The following MSRB3 variants were observed in gnomAD, a reference collection of about 807,000 sequenced individuals.
The protein encoded by MSRB3 is methionine sulfoxide reductase B3.
A neutral mutation model predicts 21.0 loss-of-function variants in MSRB3; 13 were observed. That is an observed-to-expected ratio of 0.62 (90% CI 0.40 to 0.98). The LOEUF (loss-of-function observed/expected upper bound fraction) is 0.98. Among genes scored for constraint, MSRB3 ranks in the 50% least tolerant of loss-of-function variants. The pLI, the probability that MSRB3 is intolerant of heterozygous loss-of-function variation, is 0.00. For synonymous variants in MSRB3, 87 were observed against 88.6 expected (o/e 0.98, Z 0.10); for missense variants, 199 against 230.3 (o/e 0.86, Z 0.88).
chr12:65,311,141 G>C (rs1873961206), intron 2 of MSRB3, among the ~76,000 whole-genome samples: 1 of 152,008 alleles, frequency 6.6e-6, no homozygotes, highest in Admixed American at 6.6e-5. Flanking sequence ...CTTTATGTTT[G>C]AGGAATAACC....
chr12:65,431,140 C>G (rs1029802334), intron 5 of MSRB3, among the ~76,000 whole-genome samples: 1 of 151,940 alleles, frequency 6.6e-6, no homozygotes. Flanking sequence ...TGGAATTTCA[C>G]GTCTTTGTAG....
intron 4 of MSRB3, among the ~76,000 whole-genome samples, chr12:65,351,509 T>G (rs1876990681): frequency 6.7e-6 from 1 of 149,438 alleles, no homozygotes. Flanking sequence ...CTTCAAAAAA[T>G]TAATGAATCC....
intron 5 of MSRB3, among the ~76,000 whole-genome samples, chr12:65,447,636 G>A (rs574603018): frequency 3.3e-5 from 5 of 152,202 alleles, no homozygotes; most frequent in Admixed American, 2.0e-4. Context: ...AATAACTGTC[G>A]GAATGGTAGG....
intron 4 of MSRB3, among the ~76,000 whole-genome samples, chr12:65,344,887 T>G (rs1876388965): frequency 6.6e-6 from 1 of 151,972 alleles, no homozygotes; most frequent in Non-Finnish European, 1.5e-5. Context: ...ATTCCAAGTC[T>G]CTCCTCAAAG....
intron 2 of MSRB3, among the ~76,000 whole-genome samples, chr12:65,311,525 T>C (rs1221747620): frequency 6.6e-6 from 1 of 152,096 alleles, no homozygotes; most frequent in African/African-American, 2.4e-5. Flanking sequence ...ACTTCAACAG[T>C]AATGAAACAG....
chr12:65,389,827 G>A (rs535731856), intron 5 of MSRB3, among the ~76,000 whole-genome samples: 16 of 152,186 alleles, frequency 1.1e-4, no homozygotes, highest in Non-Finnish European at 1.6e-4. Context: ...GCATGGCCCT[G>A]CTGGAGGAAA....
intron 5 of MSRB3, chr12:65,419,274 C>T: frequency 1.4e-6 from 1 of 738,984 alleles, no homozygotes; most frequent in South Asian, 1.4e-5. Context: ...AGATGTCTGC[C>T]ATGATCTTGG....
In MSRB3 at chr12:65,309,346, G is replaced by A. The variant is rs137984105; in HGVS notation, c.76+691G>A. Among the ~76,000 whole-genome samples the A allele has an allele frequency of 4.0e-3, 608 of 152,202 alleles. 8 individuals are homozygous for A. The highest frequency in any genetic ancestry group is 0.014 in the African/African-American group (579 of 41,514). On this transcript the variant is annotated intron_variant, in intron 2 of 6. Coordinates refer to ENST00000308259, the MANE Select transcript of MSRB3 (RefSeq NM_001031679.3). Reference sequence around the variant, plus strand: ...GGCTAAATATTTTACTTCTGTGAGCGTGATTATCAATATTATTTACATTTT... The same window carrying A: ...GGCTAAATATTTTACTTCTGTGAGCATGATTATCAATATTATTTACATTTT...
chr12:65,427,030 C>T (rs1881631420), intron 5 of MSRB3, among the ~76,000 whole-genome samples: 1 of 152,174 alleles, frequency 6.6e-6, no homozygotes, highest in Non-Finnish European at 1.5e-5. Flanking sequence ...AGGCAGTTTG[C>T]ATATCTCCAT....
chr12:65,459,206 C>CT (rs1883215221), intron 6 of MSRB3, among the ~76,000 whole-genome samples: 2 of 152,122 alleles, frequency 1.3e-5, no homozygotes, highest in Admixed American at 1.3e-4. Context: ...ATGGTATAGT[C>CT]CCTTAAGTTT....
intron 1 of MSRB3, among the ~76,000 whole-genome samples, chr12:65,301,276 A>G (rs189107908): frequency 2.2e-4 from 33 of 152,324 alleles, no homozygotes; most frequent in Non-Finnish European, 4.0e-4. Context: ...AAATAATAAC[A>G]TACTGTGCAA....
intron 1 of MSRB3, among the ~76,000 whole-genome samples, chr12:65,282,448 A>T (rs1315516495): frequency 1.3e-5 from 2 of 152,150 alleles, no homozygotes; most frequent in Non-Finnish European, 2.9e-5. Context: ...GATCAAACAA[A>T]CGCATCGAAC....
chr12:65,352,368 GC>G (rs1877070839), intron 4 of MSRB3, among the ~76,000 whole-genome samples: 2 of 150,108 alleles, frequency 1.3e-5, no homozygotes, highest in African/African-American at 5.0e-5. Flanking sequence ...TACTGAATGG[GC>G]AAAAACTGGA....
chr12:65,283,178 A>G (rs537410059), intron 1 of MSRB3, among the ~76,000 whole-genome samples: 1 of 152,136 alleles, frequency 6.6e-6, no homozygotes, highest in South Asian at 2.1e-4. Context: ...TTCTGTCTCT[A>G]CCTTTCCTTT....
Position 65,376,277 on chromosome 12 carries a change from G to A in MSRB3, c.292+7251G>A, listed in dbSNP as rs539685965. Among the ~76,000 whole-genome samples, 614 of 152,038 alleles carry A rather than the reference G, an allele frequency of 4.0e-3. 4 individuals are homozygous for A. The highest frequency in any genetic ancestry group is 0.014 in the African/African-American group (574 of 41,522). ...TGGGACTACAGGCGCCCACCACTGC[G>A]CCCGGCTAATTTTTTGTATTTTTAG... On this transcript the variant is annotated intron_variant, in intron 5 of 6. Transcript: ENST00000308259.
chr12:65,332,476 G>C (rs1428184041), intron 4 of MSRB3, among the ~76,000 whole-genome samples: 1 of 152,078 alleles, frequency 6.6e-6, no homozygotes, highest in Non-Finnish European at 1.5e-5. Flanking sequence ...AATCACACCG[G>C]GGCCTGTTGT....
At chr12:65,338,304 A>C (rs1416205997) in intron 4 of MSRB3, among the ~76,000 whole-genome samples, 1 of 152,234 alleles carries the variant, frequency 6.6e-6, no homozygotes, top group Non-Finnish European at 1.5e-5. Flanking sequence ...TGGTAGCACC[A>C]TTACACAGTA....
chr12:65,384,230 G>T (rs1177825467), intron 5 of MSRB3, among the ~76,000 whole-genome samples: 3 of 151,970 alleles, frequency 2.0e-5, no homozygotes, highest in Non-Finnish European at 4.4e-5. Flanking sequence ...CTTCTTACTG[G>T]TAGATTTAAT....
Position 65,278,770 on chromosome 12 carries a change from T to C in MSRB3, c.-147T>C, listed in dbSNP as rs949229098. On this transcript the variant is annotated 5_prime_UTR_variant, in exon 1 of 7. It removes an upstream start codon present in the reference 5' UTR. Coordinates refer to ENST00000308259, the MANE Select transcript of MSRB3 (RefSeq NM_001031679.3). ...CGGCGGCGGCTGCCTGGCCTTTCCA[T>C]GAGCCCGCGGCGGACCCTCCCGCGC... 9.5e-6 allele frequency: 15 copies of C among 1,577,892 alleles called. No individual in the cohort carries two copies. Among genetic ancestry groups the C allele is most frequent in the African/African-American group, 1.4e-5 (1 of 74,052 alleles).
Sources: allele counts gnomAD v4.1 joint callset (sites outside exome capture counted in the v4.1 genomes callset), GRCh38; gene constraint gnomAD v4.1.1; transcripts MANE v1.5; gene names NCBI Gene and HGNC (gene_info 2026-07-23, HGNC 2026-07-21).